The following EPS8 variants were observed in gnomAD, a reference collection of about 807,000 sequenced individuals.
EPS8 encodes epidermal growth factor receptor kinase substrate 8.
In EPS8, 42 loss-of-function variants were observed where a neutral mutation model predicts 103.8. The observed-to-expected ratio is 0.40, with a 90% CI of 0.32 to 0.52. EPS8 has a LOEUF of 0.52. EPS8 is among the 20% of genes least tolerant of loss of function. EPS8 has a pLI of 0.40. For synonymous variants in EPS8, 344 were observed against 344.6 expected (o/e 1.00, Z 0.02); for missense variants, 969 against 1,005.1 (o/e 0.96, Z 0.49).
intron 15 of EPS8, among the ~76,000 whole-genome samples, chr12:15,646,365 G>A (rs1945319526): frequency 2.0e-5 from 3 of 152,156 alleles, no homozygotes; most frequent in African/African-American, 7.2e-5. Flanking sequence ...TTTGAGGCAG[G>A]AAAGTACTAG....
intron 3 of EPS8, 47 bp downstream of exon 3, chr12:15,681,179 A>G (rs1555115457): frequency 1.0e-6 from 1 of 1,000,516 alleles, no homozygotes; most frequent in Non-Finnish European, 1.5e-6. Flanking sequence ...TAATTTGTAA[A>G]AAGTGGTTAG....
chr12:15,630,992 C>T (rs1171526383), intron 18 of EPS8, among the ~76,000 whole-genome samples: 2 of 152,168 alleles, frequency 1.3e-5, no homozygotes, highest in Non-Finnish European at 2.9e-5. Flanking sequence ...AAGACAAAAT[C>T]GCTCCTGGCT....
intron 1 of EPS8, among the ~76,000 whole-genome samples, chr12:15,712,456 T>C (rs1946477922): frequency 6.6e-6 from 1 of 152,236 alleles, no homozygotes; most frequent in East Asian, 1.9e-4. Flanking sequence ...ATGTTTTGCA[T>C]ATAAGGTTAA....
rs12319964 is a variant in EPS8 at position 15,698,616 on chromosome 12, T to C, written c.-21-15644A>G. 0.18 allele frequency among the ~76,000 whole-genome samples: 26,653 copies of C among 151,484 alleles called. 2,943 individuals are homozygous for C. The highest frequency in any genetic ancestry group is 0.35 in the Admixed American group (5,353 of 15,238). On this transcript the variant is annotated intron_variant, in intron 1 of 20. Transcript: ENST00000281172. The surrounding 1 kb of genome is among the most constrained non-coding windows in gnomAD (Gnocchi z 4.9). Reference sequence around the variant, plus strand: ...CCCAGGAATAGCACGTACCGGCACATAGTAGCACATTCAAACTATTTAGCT... The same window carrying C: ...CCCAGGAATAGCACGTACCGGCACACAGTAGCACATTCAAACTATTTAGCT...
chr12:15,623,270 C>A lies in EPS8; in HGVS notation c.2243G>T (p.Gly748Val). 6.2e-7 allele frequency: 1 copy of A among 1,605,986 alleles called. No homozygotes were observed. The highest frequency in any genetic ancestry group is 8.5e-7 in the Non-Finnish European group (1 of 1,177,194). The change falls in exon 20 of 21, where the codon GGA (glycine) becomes GTA (valine). Residue 748 changes from glycine (G) to valine (V), a missense_variant. Gly to Val is a moderately radical substitution (Grantham distance 109, BLOSUM62 -3). Transcript: ENST00000281172. Reference protein sequence around the residue: ...GFNPVTVNSLGVLNGAQLFSL... With the variant: ...GFNPVTVNSLVVLNGAQLFSL... ...GAAAAGTTGTGCACCATTTAATACT[C>A]CAAGACTATTGACAGTCCTAAAAAA...
intron 6 of EPS8, among the ~76,000 whole-genome samples, chr12:15,667,978 G>C (rs539349287): frequency 1.3e-5 from 2 of 152,046 alleles, no homozygotes; most frequent in African/African-American, 2.4e-5. Context: ...TAGCTCCCGG[G>C]GGGGGCTTTT....
At chr12:15,669,297 T>A (rs1425840126) in intron 6 of EPS8, 90 bp downstream of exon 6, 3 of 1,167,300 alleles carry the variant, frequency 2.6e-6, no homozygotes, top group African/African-American at 1.6e-5. Flanking sequence ...ATCTAGTAAC[T>A]AATATGCAGA....
chr12:15,754,243 A>G (rs1185538062), intron 1 of EPS8, among the ~76,000 whole-genome samples: 1 of 152,158 alleles, frequency 6.6e-6, no homozygotes, highest in Non-Finnish European at 1.5e-5. Flanking sequence ...GAAAAAAAAA[A>G]AAAAGAGTTT....
intron 8 of EPS8, among the ~76,000 whole-genome samples, chr12:15,664,248 TG>T (rs1945668993): frequency 6.6e-6 from 1 of 151,704 alleles, no homozygotes; most frequent in Non-Finnish European, 1.5e-5. Context: ...AAACGGAAAC[TG>T]TTATAAAATT....
chr12:15,691,095 A>T (rs1341622379), intron 1 of EPS8, among the ~76,000 whole-genome samples: 1 of 152,018 alleles, frequency 6.6e-6, no homozygotes, highest in African/African-American at 2.4e-5. Flanking sequence ...TTCACTGCTT[A>T]TAAAGAAATT....
chr12:15,671,802 A>T (rs1309625799), intron 3 of EPS8: 1 of 152,110 alleles, frequency 6.6e-6, no homozygotes, highest in Non-Finnish European at 1.5e-5. Flanking sequence ...GTGCTGCCAA[A>T]GTGAGCACTA....
rs1297415506 is a variant in EPS8 at position 15,696,459 on chromosome 12, G to A, written c.-21-13487C>T. On this transcript the variant is annotated intron_variant, in intron 1 of 20. Coordinates refer to ENST00000281172, the MANE Select transcript of EPS8 (RefSeq NM_004447.6). The surrounding 1 kb of genome is among the most constrained non-coding windows in gnomAD (Gnocchi z 4.8). ...GTTCAAGACCAGCCTGGCCAGCATCGTGAAACCCCATTTTTACTAAAAATA... is the reference window on the plus strand; with the variant it reads ...GTTCAAGACCAGCCTGGCCAGCATCATGAAACCCCATTTTTACTAAAAATA... Among the ~76,000 whole-genome samples, 3 of 152,006 alleles carry A rather than the reference G, an allele frequency of 2.0e-5. No individual in the cohort carries two copies. Among genetic ancestry groups the A allele is most frequent in the Non-Finnish European group, 4.4e-5 (3 of 68,008 alleles).
At position 15,716,174 on chromosome 12, in the gene EPS8, C is replaced by T. The variant is rs540342317; in HGVS notation, c.-21-33202G>A. 6.6e-6 allele frequency among the ~76,000 whole-genome samples: 1 copy of T among 152,200 alleles called. No individual in the cohort carries two copies. The highest frequency in any genetic ancestry group is 2.4e-5 in the African/African-American group (1 of 41,526). On this transcript the variant is annotated intron_variant, in intron 1 of 20. Coordinates refer to ENST00000281172, the MANE Select transcript of EPS8 (RefSeq NM_004447.6). This position sits in a 1 kb window ranked among gnomAD's most constrained non-coding sequence, Gnocchi z 5.0. ...TCCAATCCCTGTCATTTTTAAGATA[C>T]TGTCTCTTAAAAATGGTCCATAGGT... is the stretch of plus-strand genomic sequence containing the variant.
Position 15,735,093 on chromosome 12 carries a change from T to A in EPS8, c.-21-52121A>T, listed in dbSNP as rs923792137. 6.6e-6 allele frequency among the ~76,000 whole-genome samples: 1 copy of A among 152,150 alleles called. No individual in the cohort carries two copies. The highest frequency in any genetic ancestry group is 1.5e-5 in the Non-Finnish European group (1 of 68,026). On this transcript the variant is annotated intron_variant, in intron 1 of 20. Coordinates refer to ENST00000281172, the MANE Select transcript of EPS8 (RefSeq NM_004447.6). This position sits in a 1 kb window ranked among gnomAD's most constrained non-coding sequence, Gnocchi z 4.4. ...CATGGATAACTGTAGTATTCCCAGG[T>A]ACATGCAAATGACAAAGTTTCCAAA...
chr12:15,639,178 G>A (rs1411248992), intron 17 of EPS8, among the ~76,000 whole-genome samples: 2 of 152,120 alleles, frequency 1.3e-5, no homozygotes, highest in Non-Finnish European at 2.9e-5. Flanking sequence ...ACCATGACCT[G>A]CATATTAAAA....
At chr12:15,710,481 C>A (rs1242905758) in intron 1 of EPS8, among the ~76,000 whole-genome samples, 1 of 152,124 alleles carries the variant, frequency 6.6e-6, no homozygotes, top group Non-Finnish European at 1.5e-5. Context: ...TCTTACATTA[C>A]CAAGTACAGA....
At chr12:15,672,867 G>A (rs1421536926) in intron 3 of EPS8, among the ~76,000 whole-genome samples, 1 of 152,122 alleles carries the variant, frequency 6.6e-6, no homozygotes, top group Non-Finnish European at 1.5e-5. Flanking sequence ...TCTGACCTTA[G>A]GACAGAAAAG....
rs962855417 is a variant in EPS8, at chr12:15,776,965, T to G, written c.-22+12196A>C. 3.3e-5 allele frequency among the ~76,000 whole-genome samples: 5 copies of G among 152,184 alleles called. No individual in the cohort carries two copies. Among genetic ancestry groups the G allele is most frequent in the Non-Finnish European group, 5.9e-5 (4 of 68,038 alleles). Reference sequence around the variant, plus strand: ...CAAAATGTATTTGCTAGCCATTGGATTAAATTATCCCATATTTTTAGGTCT... The same window carrying G: ...CAAAATGTATTTGCTAGCCATTGGAGTAAATTATCCCATATTTTTAGGTCT... On this transcript the variant is annotated intron_variant, in intron 1 of 20. Transcript: ENST00000281172. This position sits in a 1 kb window ranked among gnomAD's most constrained non-coding sequence, Gnocchi z 4.2.
rs543684180 is a variant in EPS8 at position 15,783,010 on chromosome 12, C to T, written c.-22+6151G>A. Among the ~76,000 whole-genome samples, 16 of 152,242 alleles carry T rather than the reference C, an allele frequency of 1.1e-4. No individual in the cohort carries two copies. In the South Asian group the frequency reaches 1.2e-3, roughly 12 times the overall value. ...CAATACCATAAACCTTGAATGAAAA[C>T]GTGCCACTAGAGATGCCAGAAATGC... is the stretch of plus-strand genomic sequence containing the variant. On this transcript the variant is annotated intron_variant, in intron 1 of 20. Transcript: ENST00000281172.
Sources: gnomAD v4.1 joint callset for allele counts (sites outside exome capture counted in the v4.1 genomes callset) on GRCh38, gnomAD v4.1.1 for gene constraint, Gnocchi (gnomAD v3.1) non-coding constraint, MANE v1.5 for transcripts, NCBI Gene and HGNC (gene_info 2026-07-23, HGNC 2026-07-21) for gene names.